The following EPB41L1 variants were observed in gnomAD, a reference collection of about 807,000 sequenced individuals.
EPB41L1 encodes erythrocyte membrane protein band 4.1 like 1.
In EPB41L1, 29 loss-of-function variants were observed where a neutral mutation model predicts 97.8. That is an observed-to-expected ratio of 0.30 (90% confidence interval 0.22 to 0.40). EPB41L1 has a LOEUF of 0.40. Among genes scored for constraint, EPB41L1 ranks in the 10% least tolerant of loss-of-function variants. EPB41L1 has a pLI of 1.00. For missense variants in EPB41L1, 812 were observed against 1,162.3 expected (o/e 0.70, Z 4.38); for synonymous variants, 383 against 459.2 (o/e 0.83, Z 2.12).
At chr20:36,177,517 G>C (rs1243972010) in intron 3 of EPB41L1, among the ~76,000 whole-genome samples, 2 of 152,190 alleles carry the variant, frequency 1.3e-5, no homozygotes, top group South Asian at 4.1e-4. Flanking sequence ...TGAGCCCCAA[G>C]CCCTCCCCTT....
chr20:36,187,685 C>T lies in EPB41L1; in HGVS notation c.795C>T (p.Thr265=), dbSNP rs766304141. 1.2e-6 allele frequency: 2 copies of T among 1,614,032 alleles called. No individual in the cohort carries two copies. The highest frequency in any genetic ancestry group is 1.7e-6 in the Non-Finnish European group (2 of 1,179,960). The stretch of plus-strand genomic sequence containing the variant: ...ACTTTCTTTCCCTCAGGGGGATGAC[C>T]CCGGGAGAAGCAGAAATCCACTTCT... ...MELHKTYRGM[T]PGEAEIHFLE... is the part of the protein sequence containing the mutation. The change falls in exon 8 of 22, where the codon ACC becomes ACT. Residue 265 remains threonine (T), a synonymous_variant. Transcript: ENST00000338074.
intron 14 of EPB41L1, among the ~76,000 whole-genome samples, chr20:36,208,109 A>G (rs535737423): frequency 6.6e-6 from 1 of 152,298 alleles, no homozygotes. Context: ...CTTGCCGCTC[A>G]TACCCGCTGG....
At chr20:36,203,139 C>T (rs746306342) in intron 14 of EPB41L1, among the ~76,000 whole-genome samples, 1 of 152,244 alleles carries the variant, frequency 6.6e-6, no homozygotes, top group Non-Finnish European at 1.5e-5. Context: ...ACGACTTTCA[C>T]GCCAACCCCT....
chr20:36,180,053 C>T (rs914899925), intron 5 of EPB41L1, among the ~76,000 whole-genome samples: 3 of 152,192 alleles, frequency 2.0e-5, no homozygotes, highest in Admixed American at 6.5e-5. Context: ...GTCTCAGCAT[C>T]CCTCCCAGAG....
intron 1 of EPB41L1, among the ~76,000 whole-genome samples, chr20:36,109,051 C>A (rs1347920624): frequency 6.6e-6 from 1 of 151,958 alleles, no homozygotes. Context: ...TCACACCACT[C>A]TCTCACCTCA....
chr20:36,232,471 G>A lies in EPB41L1; in HGVS notation c.*3131G>A, dbSNP rs1365406072. The A allele has an allele frequency of 2.5e-5, 10 of 397,676 alleles. No individual in the cohort carries two copies. Among genetic ancestry groups the A allele is most frequent in the Non-Finnish European group, 4.4e-5 (10 of 225,790 alleles). The allele number at this position is 397,676 out of a possible 1,614,324, so 24.6% of individuals were successfully genotyped here. A position where few individuals can be genotyped will look rare whatever the true frequency, so the allele number is the denominator to read the frequency against. The stretch of plus-strand genomic sequence containing the variant: ...GTCTTTTTCTACTTTGCTATCTCAT[G>A]GGTCTTCATTTTCTCTTATTTTGTT... On this transcript the variant is annotated 3_prime_UTR_variant, in exon 22 of 22. Coordinates refer to ENST00000338074, the MANE Select transcript of EPB41L1 (RefSeq NM_012156.2).
At chr20:36,175,442 A>G (rs1391767271) in intron 2 of EPB41L1, 109 bp from the exon 3 acceptor site, 9 of 1,352,104 alleles carry the variant, frequency 6.7e-6, no homozygotes, top group African/African-American at 1.4e-5. Flanking sequence ...AGCGACTTTC[A>G]TTCTGGGGTC....
At chr20:36,143,137 TTGTGTG>T (rs59256378) in intron 2 of EPB41L1, among the ~76,000 whole-genome samples, 17,391 of 130,660 alleles carry the variant, frequency 0.13, 1,018 homozygotes, top group Middle Eastern at 0.16. Context: ...GAGGGTGTGT[TTGTGTG>T]TGTGTGTGTG....
intron 1 of EPB41L1, among the ~76,000 whole-genome samples, chr20:36,166,291 CTT>C (rs1451932963): frequency 3.9e-5 from 6 of 152,352 alleles, no homozygotes; most frequent in Admixed American, 2.0e-4. Context: ...AGTTCCTTAA[CTT>C]TTCTGCTTCA....
chr20:36,177,959 G>C lies in EPB41L1; in HGVS notation c.350G>C (p.Gly117Ala). 1 of 1,614,052 alleles carries C rather than the reference G, an allele frequency of 6.2e-7. No homozygotes were observed. The highest frequency in any genetic ancestry group is 8.5e-7 in the Non-Finnish European group (1 of 1,179,922). The change falls in exon 4 of 22, where the codon GGC (glycine) becomes GCC (alanine). Residue 117 changes from glycine (G) to alanine (A), a missense_variant. By Grantham distance (60) the Gly-to-Ala change is moderately conservative. This residue lies in a region of EPB41L1 where 230 missense variants were observed against 445.2 expected (regional missense o/e 0.52). Coordinates refer to ENST00000338074, the MANE Select transcript of EPB41L1 (RefSeq NM_012156.2). Reference protein sequence around the residue: ...SEYECEVEKHGRGQVLFDLVC... With the variant: ...SEYECEVEKHARGQVLFDLVC... The stretch of plus-strand genomic sequence containing the variant: ...CTCTGCTTCCCTCCTTAGAAACATG[G>C]CCGGGGCCAGGTGCTGTTTGACCTG...
chr20:36,138,788 C>T (rs541617825), intron 2 of EPB41L1, among the ~76,000 whole-genome samples: 8 of 152,274 alleles, frequency 5.3e-5, no homozygotes, highest in East Asian at 3.9e-4. Context: ...TTTGACCTGC[C>T]GCCAAAGCCT....
chr20:36,105,588 C>T (rs527741641), intron 1 of EPB41L1, among the ~76,000 whole-genome samples: 2 of 152,254 alleles, frequency 1.3e-5, no homozygotes, highest in Admixed American at 6.5e-5. Flanking sequence ...CTTATGCCAT[C>T]GCTTCTTGGC....
chr20:36,221,127 G>A, intron 19 of EPB41L1, among the ~76,000 whole-genome samples: 1 of 152,194 alleles, frequency 6.6e-6, no homozygotes, highest in East Asian at 1.9e-4. Context: ...CCAACTGGGA[G>A]CCCCCTCTTC....
chr20:36,106,951 C>T (rs2058211022), intron 1 of EPB41L1, among the ~76,000 whole-genome samples: 1 of 152,068 alleles, frequency 6.6e-6, no homozygotes, highest in Non-Finnish European at 1.5e-5. Flanking sequence ...TACAGGCATG[C>T]CCCACCATGC....
Position 36,190,478 on chromosome 20 carries a change from C to A in EPB41L1, c.1124+104C>A. On this transcript the variant is annotated intron_variant, in intron 10 of 21. Transcript: ENST00000338074. The surrounding 1 kb of genome is among the most constrained non-coding windows in gnomAD (Gnocchi z 5.8). ...GAGAACTCTAGGAAAGTCCTCCACC[C>A]TTTCCCCAAGTCCCTCCCTTCCTGG... 1.3e-6 allele frequency: 2 copies of A among 1,525,962 alleles called. No individual in the cohort carries two copies. The highest frequency in any genetic ancestry group is 1.8e-6 in the Non-Finnish European group (2 of 1,113,342). The allele number at this position is 1,525,962 out of a possible 1,614,324, so 94.5% of individuals were successfully genotyped here. A position where few individuals can be genotyped will look rare whatever the true frequency, so the allele number is the denominator to read the frequency against.
chr20:36,101,843 A>G (rs2058025481), intron 1 of EPB41L1, among the ~76,000 whole-genome samples: 1 of 151,934 alleles, frequency 6.6e-6, no homozygotes, highest in Non-Finnish European at 1.5e-5. Context: ...TGTCTCTACT[A>G]AAAATACAAA....
intron 1 of EPB41L1, among the ~76,000 whole-genome samples, chr20:36,165,635 G>A (rs2060709954): frequency 6.6e-6 from 1 of 152,140 alleles, no homozygotes; most frequent in Non-Finnish European, 1.5e-5. Context: ...GGAGGCAGAG[G>A]TTGCAGTGAG....
intron 6 of EPB41L1, among the ~76,000 whole-genome samples, chr20:36,184,365 A>C (rs1382122313): frequency 1.3e-5 from 2 of 152,250 alleles, no homozygotes; most frequent in Non-Finnish European, 2.9e-5. Context: ...AAAAGCAATA[A>C]AAATGGTTTT....
intron 2 of EPB41L1, among the ~76,000 whole-genome samples, chr20:36,124,190 G>A (rs1269215984): frequency 6.6e-6 from 1 of 152,200 alleles, no homozygotes; most frequent in Non-Finnish European, 1.5e-5. Flanking sequence ...GGGATGCAGA[G>A]CTTGCAGTGA....
Sources: gnomAD v4.1 joint callset for allele counts (sites outside exome capture counted in the v4.1 genomes callset) on GRCh38, gnomAD v4.1.1 for gene constraint, gnomAD v4.1.1 regional missense constraint, Gnocchi (gnomAD v3.1) non-coding constraint, MANE v1.5 for transcripts, NCBI Gene and HGNC (gene_info 2026-07-23, HGNC 2026-07-21) for gene names.